Variants in MARCHF4 observed in about 807,000 individuals in gnomAD.
MARCHF4 encodes membrane associated ring-CH-type finger 4, also known as E3 ubiquitin-protein ligase MARCHF4.
In MARCHF4, 14 loss-of-function variants were observed where a neutral mutation model predicts 43.9. That is an observed-to-expected ratio of 0.32 (90% CI 0.21 to 0.50). The LOEUF (loss-of-function observed/expected upper bound fraction) is 0.50. Among genes scored for constraint, MARCHF4 ranks in the 20% least tolerant of loss-of-function variants. The pLI is 0.98. For missense variants in MARCHF4, 468 were observed against 536.7 expected (o/e 0.87, Z 1.27); for synonymous variants, 226 against 213.3 (o/e 1.06, Z -0.52).
At chr2:216,356,342 G>A (rs760297300) in intron 1 of MARCHF4, among the ~76,000 whole-genome samples, 15 of 152,188 alleles carry the variant, frequency 9.9e-5, no homozygotes, top group South Asian at 4.1e-4. Context: ...GGAACTGCGC[G>A]AAGCATGTTT....
At chr2:216,276,608 A>G (rs1196592919) in intron 3 of MARCHF4, among the ~76,000 whole-genome samples, 1 of 152,162 alleles carries the variant, frequency 6.6e-6, no homozygotes, top group Non-Finnish European at 1.5e-5. Context: ...AATTCACACA[A>G]ACGTCATCCC....
rs11903406 is a variant in MARCHF4, at chr2:216,336,676, G to A, written c.516+33069C>T. On this transcript the variant is annotated intron_variant, in intron 1 of 3. Coordinates refer to ENST00000273067, the MANE Select transcript of MARCHF4 (RefSeq NM_020814.3). ...GTTTTTGGAAAAATGGCTTTAGATC[G>A]ATTCAGTGTTGGTAAATTCACCCAA... Among the ~76,000 whole-genome samples the A allele has an allele frequency of 8.2e-3, 1,146 of 140,066 alleles. 12 individuals are homozygous for A. Among genetic ancestry groups the A allele is most frequent in the African/African-American group, 0.029 (1,081 of 37,852 alleles). The allele number at this position is 140,066 out of a possible 152,430, so 91.9% of individuals were successfully genotyped here. A position where few individuals can be genotyped will look rare whatever the true frequency, so the allele number is the denominator to read the frequency against.
In MARCHF4 at chr2:216,354,919, CTTTCTTTCTTTCTTT is replaced by C. The variant is rs1692465653; in HGVS notation, c.516+14811_516+14825del. Among the ~76,000 whole-genome samples, 128 of 114,852 alleles carry C rather than the reference CTTTCTTTCTTTCTTT, an allele frequency of 1.1e-3. 1 individual carries two copies. In the Middle Eastern group the frequency reaches 0.015, roughly 13 times the overall value. The allele number at this position is 114,852 out of a possible 152,430, so 75.3% of individuals were successfully genotyped here. A position where few individuals can be genotyped will look rare whatever the true frequency, so the allele number is the denominator to read the frequency against. ...TCTTTCTTTCTTTCTTTCTTTCTTT[CTTTCTTTCTTTCTTT>C]CTTTCTTTCTTTCTTTCTTTCTTTC... On this transcript the variant is annotated intron_variant, in intron 1 of 3. Transcript: ENST00000273067.
chr2:216,306,110 A>T (rs1405457142), intron 1 of MARCHF4, among the ~76,000 whole-genome samples: 2 of 152,206 alleles, frequency 1.3e-5, no homozygotes, highest in African/African-American at 4.8e-5. Flanking sequence ...TTGATTCTGT[A>T]TTTATACATG....
At chr2:216,269,081 G>A (rs1437683481) in intron 3 of MARCHF4, among the ~76,000 whole-genome samples, 1 of 152,048 alleles carries the variant, frequency 6.6e-6, no homozygotes, top group Admixed American at 6.6e-5. Flanking sequence ...ATATTCTACT[G>A]TTTTAAAGCT....
chr2:216,267,241 T>C (rs1229356776), intron 3 of MARCHF4, among the ~76,000 whole-genome samples: 2 of 152,190 alleles, frequency 1.3e-5, no homozygotes, highest in Non-Finnish European at 2.9e-5. Flanking sequence ...TGACTAGTAC[T>C]GAATGTGACC....
At chr2:216,279,143 T>C (rs1691082345) in intron 2 of MARCHF4, among the ~76,000 whole-genome samples, 1 of 152,142 alleles carries the variant, frequency 6.6e-6, no homozygotes. Flanking sequence ...GATAGGGGGA[T>C]TCGACTTCCC....
chr2:216,370,233 A>G lies in MARCHF4; in HGVS notation c.28T>C (p.Trp10Arg). Reference protein sequence around the residue: MLMPLCGLLWWWWCCCSGWY... With the variant: MLMPLCGLLRWWWCCCSGWY... Reference sequence around the variant, plus strand: ...CCGGAGCAGCAGCACCACCACCACCAGAGCAGCCCACACAGGGGCATCAGC... The same window carrying G: ...CCGGAGCAGCAGCACCACCACCACCGGAGCAGCCCACACAGGGGCATCAGC... Residue 10 changes from tryptophan to arginine, a missense_variant, in exon 1 of 4, where the codon TGG becomes CGG. Trp to Arg is a moderately radical substitution (Grantham distance 101). Around this residue, in one of 3 missense-constraint regions of MARCHF4, gnomAD observed 190 missense variants for 158.5 expected, o/e 1.20. Coordinates refer to ENST00000273067, the MANE Select transcript of MARCHF4 (RefSeq NM_020814.3). 6.2e-7 allele frequency: 1 copy of G among 1,608,054 alleles called. No individual in the cohort carries two copies. The highest frequency in any genetic ancestry group is 2.2e-5 in the East Asian group (1 of 44,702).
At chr2:216,263,841 G>A (rs554360239) in intron 3 of MARCHF4, among the ~76,000 whole-genome samples, 1 of 152,138 alleles carries the variant, frequency 6.6e-6, no homozygotes, top group Non-Finnish European at 1.5e-5. Flanking sequence ...TGAAGTGCAG[G>A]GGGGCACGGT....
chr2:216,303,701 T>C (rs1422983413), intron 1 of MARCHF4: 1 of 152,248 alleles, frequency 6.6e-6, no homozygotes, highest in Non-Finnish European at 1.5e-5. Flanking sequence ...ACCTGCCAAG[T>C]GAGCAAGTCT....
chr2:216,368,775 G>C (rs1692706405), intron 1 of MARCHF4, among the ~76,000 whole-genome samples: 1 of 152,200 alleles, frequency 6.6e-6, no homozygotes. Context: ...ATCACTAACT[G>C]CGTGAGCCTT....
chr2:216,268,390 T>C (rs1401629356), intron 3 of MARCHF4, among the ~76,000 whole-genome samples: 2 of 152,230 alleles, frequency 1.3e-5, no homozygotes, highest in African/African-American at 4.8e-5. Flanking sequence ...GAAAGGGACC[T>C]ATAATCCCTA....
At chr2:216,308,121 G>T (rs1225813153) in intron 1 of MARCHF4, among the ~76,000 whole-genome samples, 3 of 152,238 alleles carry the variant, frequency 2.0e-5, no homozygotes, top group East Asian at 1.9e-4. Flanking sequence ...AGACAAAAAG[G>T]CTGGGTGCGG....
At chr2:216,259,738 G>A (rs1574456037) in intron 3 of MARCHF4, 59 bp from the exon 4 acceptor site, 2 of 1,517,514 alleles carry the variant, frequency 1.3e-6, no homozygotes, top group Admixed American at 1.7e-5. Flanking sequence ...GTCACGGCCA[G>A]GAGACCACAG....
At position 216,349,943 on chromosome 2, in the gene MARCHF4, A is replaced by G. The variant is rs1692374757; in HGVS notation, c.516+19802T>C. ...GATGCTTTCCTCCCAATCTCACTGC[A>G]AGGGACAGCTGGGTGGAGGCAAAAA... On this transcript the variant is annotated intron_variant, in intron 1 of 3. Transcript: ENST00000273067. Among the ~76,000 whole-genome samples, 3 of 152,104 alleles carry G rather than the reference A, an allele frequency of 2.0e-5. No homozygotes were observed. The South Asian group carries it at 6.2e-4, about 32-fold the overall frequency.
chr2:216,352,648 T>G (rs1422767195), intron 1 of MARCHF4, among the ~76,000 whole-genome samples: 1 of 152,146 alleles, frequency 6.6e-6, no homozygotes, highest in Non-Finnish European at 1.5e-5. Flanking sequence ...TAAACCTCCA[T>G]GCCCAGCCCC....
chr2:216,302,897 C>CAAAAAAA (rs201503998), intron 1 of MARCHF4, among the ~76,000 whole-genome samples: 3 of 78,356 alleles, frequency 3.8e-5, no homozygotes, highest in African/African-American at 8.1e-5. Context: ...GACTCTGTAT[C>CAAAAAAA]AAAAAAAAAA....
intron 1 of MARCHF4, among the ~76,000 whole-genome samples, chr2:216,333,960 A>ATT (rs72435745): frequency 8.5e-4 from 123 of 144,090 alleles, no homozygotes; most frequent in African/African-American, 2.9e-3. Context: ...GGCTGAAGTA[A>ATT]TTTTTTTTTT....
intron 1 of MARCHF4, among the ~76,000 whole-genome samples, chr2:216,309,905 G>C (rs1157067946): frequency 1.3e-5 from 2 of 151,770 alleles, no homozygotes; most frequent in Non-Finnish European, 2.9e-5. Flanking sequence ...AACTGATATA[G>C]CTCCATTTCC....
Sources: allele counts gnomAD v4.1 joint callset (sites outside exome capture counted in the v4.1 genomes callset), GRCh38; gene constraint gnomAD v4.1.1; regional missense constraint gnomAD v4.1.1; transcripts MANE v1.5; gene names NCBI Gene and HGNC (gene_info 2026-07-23, HGNC 2026-07-21).